PCNX2: variants seen among roughly 807,000 people sequenced by gnomAD.
The protein encoded by PCNX2 is pecanex-like protein 2.
Under a neutral mutation model 223.8 loss-of-function variants are expected in PCNX2, and 168 were observed. The ratio of observed to expected loss-of-function variants is 0.75; its 90% CI spans 0.66 to 0.85. The LOEUF (loss-of-function observed/expected upper bound fraction) is 0.85. PCNX2 is among the 40% of genes least tolerant of loss of function. The pLI, the probability that PCNX2 is intolerant of heterozygous loss-of-function variation, is 0.00. For missense variants in PCNX2, 2,507 were observed against 2,675.5 expected (o/e 0.94, Z 1.39); for synonymous variants, 1,006 against 1,052.6 (o/e 0.96, Z 0.86).
At chr1:233,177,043 A>C (rs1239239105) in intron 17 of PCNX2, among the ~76,000 whole-genome samples, 1 of 152,126 alleles carries the variant, frequency 6.6e-6, no homozygotes. Context: ...AAGGGCTTGT[A>C]AAAAAATAAA....
chr1:233,038,237 A>C (rs1438144316), intron 25 of PCNX2, among the ~76,000 whole-genome samples: 2 of 152,220 alleles, frequency 1.3e-5, no homozygotes, highest in Non-Finnish European at 2.9e-5. Context: ...TAGAAGCATA[A>C]GAATAAGAAA....
the PCNX2 span, among the ~76,000 whole-genome samples, chr1:233,302,556 C>T: frequency 6.6e-6 from 1 of 151,282 alleles, no homozygotes; most frequent in Non-Finnish European, 1.5e-5. Context: ...TTATGTTTCT[C>T]TTGTACTGTG....
intron 23 of PCNX2, among the ~76,000 whole-genome samples, chr1:233,061,020 A>G (rs1480606375): frequency 6.6e-6 from 1 of 152,220 alleles, no homozygotes; most frequent in Non-Finnish European, 1.5e-5. Flanking sequence ...AACAACTTAA[A>G]TAATTTAAAA....
intron 17 of PCNX2, among the ~76,000 whole-genome samples, chr1:233,169,239 G>A (rs527542037): frequency 4.0e-4 from 61 of 152,064 alleles, no homozygotes; most frequent in African/African-American, 1.4e-3. Flanking sequence ...GGTATTGTGT[G>A]TGTGTTATTT....
intron 21 of PCNX2, among the ~76,000 whole-genome samples, chr1:233,104,872 A>G (rs539411224): frequency 2.6e-5 from 4 of 152,186 alleles, no homozygotes; most frequent in Non-Finnish European, 5.9e-5. Context: ...AATAATCACA[A>G]TCCTTTGGAT....
At chr1:233,030,348 A>G (rs561233217) in intron 25 of PCNX2, among the ~76,000 whole-genome samples, 22 of 152,286 alleles carry the variant, frequency 1.4e-4, no homozygotes, top group African/African-American at 5.1e-4. Flanking sequence ...AATCCTAAAC[A>G]TAGTATTACC....
At chr1:233,317,197 T>C in the PCNX2 span, among the ~76,000 whole-genome samples, 1 of 152,180 alleles carries the variant, frequency 6.6e-6, no homozygotes. Context: ...GCGAATCAGC[T>C]GAGGTCAGGA....
At chr1:233,089,960 G>C (rs1258233938) in intron 23 of PCNX2, 101 bp downstream of exon 23, 6 of 1,559,018 alleles carry the variant, frequency 3.8e-6, no homozygotes, top group Non-Finnish European at 4.3e-6. Flanking sequence ...CCACAGCAGG[G>C]GGAAGCCTGG....
At chr1:233,153,080 G>A (rs776078691) in intron 19 of PCNX2, among the ~76,000 whole-genome samples, 8 of 152,136 alleles carry the variant, frequency 5.3e-5, no homozygotes, top group African/African-American at 1.7e-4. Flanking sequence ...AACAAAAGAC[G>A]AAGAGTCAAA....
intron 15 of PCNX2, among the ~76,000 whole-genome samples, chr1:233,182,636 T>C (rs1028710290): frequency 1.3e-5 from 2 of 152,178 alleles, no homozygotes; most frequent in African/African-American, 4.8e-5. Context: ...ATTTAGGATA[T>C]ACACAGCAGC....
chr1:233,237,198 C>T (rs1468368776), intron 8 of PCNX2, among the ~76,000 whole-genome samples: 1 of 152,130 alleles, frequency 6.6e-6, no homozygotes, highest in Non-Finnish European at 1.5e-5. Flanking sequence ...CTCAGGCTAC[C>T]CAGGGTTGCA....
intron 8 of PCNX2, chr1:233,241,062 T>C (rs1658732825): frequency 6.0e-6 from 4 of 671,060 alleles, no homozygotes; most frequent in Non-Finnish European, 7.4e-6. Context: ...GACACAGAAA[T>C]GAAAGTCCCA....
chr1:233,252,036 C>T (rs565065052), intron 7 of PCNX2, among the ~76,000 whole-genome samples: 10 of 152,246 alleles, frequency 6.6e-5, no homozygotes, highest in African/African-American at 1.9e-4. Context: ...TATCAAAGAA[C>T]GAAAGAGATG....
chr1:233,290,896 T>C, intron 1 of PCNX2: 3 of 985,374 alleles, frequency 3.0e-6, no homozygotes, highest in South Asian at 4.7e-5. Context: ...CAAACATATA[T>C]GCCAGGCCTG....
chr1:233,262,813 G>A, intron 2 of PCNX2, 145 bp downstream of exon 2: 1 of 738,700 alleles, frequency 1.4e-6, no homozygotes, highest in Non-Finnish European at 2.2e-6. Context: ...TCAATTTTAT[G>A]CTTAAGTATA....
At chr1:233,301,845 G>A in the PCNX2 span, among the ~76,000 whole-genome samples, 6 of 136,362 alleles carry the variant, frequency 4.4e-5, no homozygotes, top group East Asian at 6.9e-4. Context: ...AAGCCAGAAT[G>A]CAGTGGTGCA....
chr1:233,100,432 A>G (rs1189935372), intron 21 of PCNX2, among the ~76,000 whole-genome samples: 1 of 151,730 alleles, frequency 6.6e-6, no homozygotes, highest in Non-Finnish European at 1.5e-5. Context: ...AAAAAAAAAA[A>G]AAAAAAAGAA....
At chr1:233,145,709 T>A (rs949007913) in intron 19 of PCNX2, among the ~76,000 whole-genome samples, 1 of 152,168 alleles carries the variant, frequency 6.6e-6, no homozygotes, top group African/African-American at 2.4e-5. Context: ...GATTTACCAC[T>A]GACAGTGTTT....
At chr1:232,988,643 TC>T (rs1185983977) in intron 32 of PCNX2, among the ~76,000 whole-genome samples, 1 of 152,216 alleles carries the variant, frequency 6.6e-6, no homozygotes, top group African/African-American at 2.4e-5. Context: ...GGCACTTAAT[TC>T]CTTTGTCTTT....
Sources: allele counts gnomAD v4.1 joint callset (sites outside exome capture counted in the v4.1 genomes callset), GRCh38; gene constraint gnomAD v4.1.1; transcripts MANE v1.5; gene names NCBI Gene and HGNC (gene_info 2026-07-23, HGNC 2026-07-21).